The following TNS4 variants were observed in gnomAD, a reference collection of about 807,000 sequenced individuals.
TNS4 encodes the protein tensin-4.
TNS4 carries 46 observed loss-of-function variants against 70.4 expected under a neutral mutation model. The ratio of observed to expected loss-of-function variants is 0.65; its 90% CI spans 0.52 to 0.84. TNS4 has a LOEUF of 0.84. Ranked by LOEUF, TNS4 falls within the 40% of genes least tolerant of loss-of-function variation. The pLI, the probability that TNS4 is intolerant of heterozygous loss-of-function variation, is 0.00. For synonymous variants in TNS4, 390 were observed against 366.6 expected, an observed-to-expected ratio of 1.06 and a Z score of -0.73; for missense variants, 863 against 907.0, an observed-to-expected ratio of 0.95 and a Z score of 0.62.
intron 4 of TNS4, among the ~76,000 whole-genome samples, chr17:40,485,393 A>G (rs1238590024): frequency 6.6e-6 from 1 of 152,392 alleles, no homozygotes; most frequent in Non-Finnish European, 1.5e-5. Context: ...CTTCGTCTTC[A>G]TAATCCTAAG....
At chr17:40,478,935 G>A (rs898114452) in intron 10 of TNS4, among the ~76,000 whole-genome samples, 24 of 152,068 alleles carry the variant, frequency 1.6e-4, no homozygotes, top group African/African-American at 5.3e-4. Context: ...TTGAGGACAC[G>A]AATTACATCT....
rs1372147920 is a variant in TNS4 at position 40,496,356 on chromosome 17, G to A, written c.70C>T (p.Pro24Ser). The A allele has an allele frequency of 3.7e-6, 6 of 1,613,500 alleles. No homozygotes were observed. The highest frequency in any genetic ancestry group is 5.1e-6 in the Non-Finnish European group (6 of 1,179,936). The change falls in exon 2 of 13, where the codon CCC becomes TCC. Residue 24 changes from proline to serine, a missense_variant. By Grantham distance (74) the Pro-to-Ser change is moderately conservative (BLOSUM62 -1). Coordinates refer to ENST00000254051, the MANE Select transcript of TNS4 (RefSeq NM_032865.6). ...HAVSLAPCDE[P>S]RRTLHPAPSP... ...GGTGCTGGGTGCAGGGTCCTCCTGG[G>A]CTCATCACAAGGCGCCAAGCTGACA...
intron 6 of TNS4, 33 bp from the exon 7 acceptor site, chr17:40,482,449 A>T (rs1567809385): frequency 6.2e-7 from 1 of 1,609,642 alleles, no homozygotes; most frequent in Non-Finnish European, 8.5e-7. Context: ...ATTCGGATAG[A>T]ATTCCACCTT....
chr17:40,500,126 A>T (rs2036193384), intron 1 of TNS4, among the ~76,000 whole-genome samples: 1 of 152,200 alleles, frequency 6.6e-6, no homozygotes, highest in African/African-American at 2.4e-5. Context: ...CCAACTGTGA[A>T]TTGGGGTTTA....
In TNS4 at chr17:40,482,139, G is replaced by T. The variant is rs202036554; in HGVS notation, c.1662C>A (p.Ile554=). ...MALALPCKLT[I]PQRELGGADG... ...GGGGCCCAGACCCACCTCTCTGTGG[G>T]ATGGTGAGTTTGCAGGGCAGGGCCA... Residue 554 remains isoleucine, a synonymous_variant, in exon 8 of 13, where the codon ATC becomes ATA. Coordinates refer to ENST00000254051, the MANE Select transcript of TNS4 (RefSeq NM_032865.6). 6.2e-7 allele frequency: 1 copy of T among 1,614,180 alleles called. No homozygotes were observed. Among genetic ancestry groups the T allele is most frequent in the East Asian group, 2.2e-5 (1 of 44,890 alleles).
At position 40,487,275 on chromosome 17, in the gene TNS4, G is replaced by A. The variant is rs755175648; in HGVS notation, c.1049C>T (p.Ser350Phe). 3 of 1,614,114 alleles carry A rather than the reference G, an allele frequency of 1.9e-6. No individual in the cohort carries two copies. The Admixed American group carries it at 5.0e-5, about 27-fold the overall frequency. The change falls in exon 4 of 13, where the codon TCT (serine) becomes TTT (phenylalanine). Residue 350 changes from serine (S) to phenylalanine (F), a missense_variant. Ser to Phe is a radical substitution (Grantham distance 155). Coordinates refer to ENST00000254051, the MANE Select transcript of TNS4 (RefSeq NM_032865.6). Reference sequence around the variant, plus strand: ...GGCATGTTCTTTGGCCAGTGGTGGAGAGTGGGGTGTTCTGGGTTGGCCCAT... The same window carrying A: ...GGCATGTTCTTTGGCCAGTGGTGGAAAGTGGGGTGTTCTGGGTTGGCCCAT... ...LTMGQPRTPH[S>F]PPLAKEHASS...
Position 40,479,833 on chromosome 17 carries a change from G to T in TNS4, c.1751C>A (p.Thr584Asn). The T allele has an allele frequency of 1.2e-6, 2 of 1,611,606 alleles. No individual in the cohort carries two copies. Among genetic ancestry groups the T allele is most frequent in the Non-Finnish European group, 8.5e-7 (1 of 1,179,086 alleles). ...SCQKKSAGCH[T>N]LYLSSVSVET... is the part of the protein sequence containing the mutation. Reference sequence around the variant, plus strand: ...CACGCTCACTGAGCTCAGGTACAGGGTGTGGCAGCCTGTGGGAGGCAGACA... The same window carrying T: ...CACGCTCACTGAGCTCAGGTACAGGTTGTGGCAGCCTGTGGGAGGCAGACA... Residue 584 changes from threonine (T) to asparagine (N), a missense_variant, in exon 10 of 13, where the codon ACC (threonine) becomes AAC (asparagine). Coordinates refer to ENST00000254051, the MANE Select transcript of TNS4 (RefSeq NM_032865.6).
In TNS4 at chr17:40,479,788, A is replaced by G. The variant is rs763870323; in HGVS notation, c.1796T>C (p.Leu599Pro). The G allele has an allele frequency of 6.2e-7, 1 of 1,613,964 alleles. No individual in the cohort carries two copies. Among genetic ancestry groups the G allele is most frequent in the East Asian group, 2.2e-5 (1 of 44,866 alleles). The change falls in exon 10 of 13, where the codon CTG becomes CCG. Residue 599 changes from leucine (L) to proline (P), a missense_variant. Leu to Pro is a moderately conservative substitution (Grantham distance 98). Transcript: ENST00000254051. ...GGTGGAGATGGCTTTCTGCACGGCCAGGGCTCCAGTCAGGGTCTCCACGCT... is the reference window on the plus strand; with the variant it reads ...GGTGGAGATGGCTTTCTGCACGGCCGGGGCTCCAGTCAGGGTCTCCACGCT... ...SVSVETLTGALAVQKAISTTF... is the reference protein window; with the variant it reads ...SVSVETLTGAPAVQKAISTTF...
chr17:40,499,642 G>A (rs1216643543), intron 1 of TNS4, among the ~76,000 whole-genome samples: 1 of 152,256 alleles, frequency 6.6e-6, no homozygotes, highest in African/African-American at 2.4e-5. Flanking sequence ...TGCAGGGGGC[G>A]GGGCATCCCG....
At chr17:40,495,175 G>A (rs976445601) in intron 2 of TNS4, among the ~76,000 whole-genome samples, 1 of 151,982 alleles carries the variant, frequency 6.6e-6, no homozygotes, top group Admixed American at 6.6e-5. Context: ...AAAAACAAAG[G>A]TAATAAATAC....
intron 4 of TNS4, among the ~76,000 whole-genome samples, chr17:40,486,408 G>T (rs770094447): frequency 6.6e-6 from 1 of 151,960 alleles, no homozygotes; most frequent in South Asian, 2.1e-4. Context: ...GCCCTATCCC[G>T]GTTCAGGACC....
rs1436441748 is a variant in TNS4 at position 40,476,619 on chromosome 17, C to T, written c.*969G>A. 6.6e-6 allele frequency: 1 copy of T among 152,062 alleles called. No individual in the cohort carries two copies. Among genetic ancestry groups the T allele is most frequent in the Non-Finnish European group, 1.5e-5 (1 of 68,090 alleles). The allele number at this position is 152,062 out of a possible 1,614,324, so 9.4% of individuals were successfully genotyped here. A position where few individuals can be genotyped will look rare whatever the true frequency, so the allele number is the denominator to read the frequency against. On this transcript the variant is annotated 3_prime_UTR_variant, in exon 13 of 13. Coordinates refer to ENST00000254051, the MANE Select transcript of TNS4 (RefSeq NM_032865.6). ...GTGGCTTGCGCCTGTAATCCCAGCA[C>T]TTTGGGAGGCCGAAGCAGGTGGATT...
chr17:40,480,371 C>T (rs955569145), intron 9 of TNS4, among the ~76,000 whole-genome samples: 2 of 152,100 alleles, frequency 1.3e-5, no homozygotes, highest in Admixed American at 6.5e-5. Context: ...GGATCCCAGA[C>T]CCAGAACCAC....
chr17:40,493,933 C>T (rs191258544), intron 2 of TNS4, among the ~76,000 whole-genome samples: 2 of 152,386 alleles, frequency 1.3e-5, no homozygotes, highest in Admixed American at 6.5e-5. Flanking sequence ...CTCCTGCCAA[C>T]AGTAATTAGG....
Position 40,480,687 on chromosome 17 carries a change from C to T in TNS4, c.1741+13G>A. The T allele has an allele frequency of 6.5e-7, 1 of 1,540,846 alleles. No individual in the cohort carries two copies. The highest frequency in any genetic ancestry group is 8.7e-7 in the Non-Finnish European group (1 of 1,149,404). ...ACAGCCAAGCTTGGCGCCTCCCTTC[C>T]TGTACCACTCACCCGCAGATTTCTT... On this transcript the variant is annotated intron_variant, in intron 9 of 12. Coordinates refer to ENST00000254051, the MANE Select transcript of TNS4 (RefSeq NM_032865.6).
At chr17:40,496,789 T>C (rs1292498708) in intron 1 of TNS4, among the ~76,000 whole-genome samples, 1 of 152,250 alleles carries the variant, frequency 6.6e-6, no homozygotes, top group Non-Finnish European at 1.5e-5. Context: ...ATAAGCATTA[T>C]GTAAGTGATC....
chr17:40,478,744 T>G, intron 10 of TNS4, 96 bp from the exon 11 acceptor site: 1 of 1,407,938 alleles, frequency 7.1e-7, no homozygotes, highest in Non-Finnish European at 9.9e-7. Context: ...TCAGGTGCCC[T>G]GTCCTCCAAG....
intron 2 of TNS4, 28 bp downstream of exon 2, chr17:40,495,959 C>G (rs780401849): frequency 1.3e-6 from 2 of 1,580,186 alleles, no homozygotes; most frequent in Admixed American, 1.9e-5. Flanking sequence ...CCAAGCCCCC[C>G]TCCTGGTACT....
At chr17:40,491,317 G>A (rs1018181973) in intron 2 of TNS4, among the ~76,000 whole-genome samples, 18 of 141,454 alleles carry the variant, frequency 1.3e-4, no homozygotes, top group African/African-American at 4.9e-4. Context: ...GGACCACTAC[G>A]AACACATTGC....
Sources: allele counts gnomAD v4.1 joint callset (sites outside exome capture counted in the v4.1 genomes callset), GRCh38; gene constraint gnomAD v4.1.1; transcripts MANE v1.5; gene names NCBI Gene and HGNC (gene_info 2026-07-23, HGNC 2026-07-21).